The following CCDC91 variants were observed in gnomAD, a reference collection of about 807,000 sequenced individuals.
CCDC91 encodes coiled-coil domain-containing protein 91.
Under a neutral mutation model 63.2 loss-of-function variants are expected in CCDC91, and 48 were observed. The observed-to-expected ratio is 0.76, with a 90% CI of 0.60 to 0.97. The LOEUF is 0.97. CCDC91 is among the 50% of genes least tolerant of loss of function. CCDC91 has a pLI of 0.00. For synonymous variants in CCDC91, 167 were observed against 165.8 expected, an observed-to-expected ratio of 1.01 and a Z score of -0.06; for missense variants, 500 against 494.6, an observed-to-expected ratio of 1.01 and a Z score of -0.10.
intron 8 of CCDC91, among the ~76,000 whole-genome samples, chr12:28,427,983 T>C (rs1277558129): frequency 6.6e-6 from 1 of 152,200 alleles, no homozygotes; most frequent in East Asian, 1.9e-4. Context: ...GATGAGGATG[T>C]CTAGTACTCT....
chr12:28,392,347 A>G (rs560794271), intron 8 of CCDC91, among the ~76,000 whole-genome samples: 8 of 152,104 alleles, frequency 5.3e-5, no homozygotes, highest in Non-Finnish European at 1.0e-4. Context: ...AAAAGTTTAT[A>G]TTTTACTCAT....
At chr12:28,247,271 G>T (rs1395310375) in intron 1 of CCDC91, among the ~76,000 whole-genome samples, 2 of 152,110 alleles carry the variant, frequency 1.3e-5, no homozygotes, top group Non-Finnish European at 2.9e-5. Flanking sequence ...ATGAGGTCAG[G>T]AGATTGAGAC....
intron 3 of CCDC91, among the ~76,000 whole-genome samples, chr12:28,280,718 C>T (rs1033300887): frequency 2.0e-5 from 3 of 151,422 alleles, no homozygotes; most frequent in African/African-American, 7.3e-5. Context: ...GTGGCTCATA[C>T]TTGTAATCTC....
intron 12 of CCDC91, among the ~76,000 whole-genome samples, chr12:28,522,903 G>A (rs1174762313): frequency 3.9e-5 from 6 of 151,980 alleles, no homozygotes; most frequent in South Asian, 2.1e-4. Context: ...TTTCTTAATC[G>A]TGAGTTCTAG....
At chr12:28,240,602 A>G (rs1945266016) in intron 1 of CCDC91, among the ~76,000 whole-genome samples, 1 of 152,164 alleles carries the variant, frequency 6.6e-6, no homozygotes, top group South Asian at 2.1e-4. Flanking sequence ...TTTTTTATAT[A>G]AATGGAATCG....
Position 28,522,755 on chromosome 12 carries a change from G to A in CCDC91, c.1216-26308G>A, listed in dbSNP as rs554932562. On this transcript the variant is annotated intron_variant, in intron 12 of 12. Coordinates refer to ENST00000536442, the MANE Select transcript of CCDC91 (RefSeq NM_018318.5). ...TACACACTGCTTTCAATGTGTCCCAGAAATTCTGGTATGTTGTGTCTTTGT... is the reference window on the plus strand; with the variant it reads ...TACACACTGCTTTCAATGTGTCCCAAAAATTCTGGTATGTTGTGTCTTTGT... 2.0e-5 allele frequency among the ~76,000 whole-genome samples: 3 copies of A among 152,264 alleles called. No individual in the cohort carries two copies. The South Asian group carries it at 6.2e-4, about 32-fold the overall frequency.
At chr12:28,433,244 T>C (rs2140110385) in intron 8 of CCDC91, among the ~76,000 whole-genome samples, 1 of 152,112 alleles carries the variant, frequency 6.6e-6, no homozygotes, top group Non-Finnish European at 1.5e-5. Flanking sequence ...CCCATTTTTG[T>C]GTGTGTGTGC....
intron 3 of CCDC91, among the ~76,000 whole-genome samples, chr12:28,293,072 T>G (rs1949346389): frequency 6.6e-6 from 1 of 152,186 alleles, no homozygotes; most frequent in Non-Finnish European, 1.5e-5. Context: ...AAAGAAGATT[T>G]TAATTTCAAA....
At chr12:28,491,593 T>C (rs1357401503) in intron 12 of CCDC91, among the ~76,000 whole-genome samples, 4 of 151,712 alleles carry the variant, frequency 2.6e-5, no homozygotes, top group Non-Finnish European at 5.9e-5. Context: ...AAATGAAAAC[T>C]AAAATGTGGA....
Position 28,470,542 on chromosome 12 carries a change from CA to C in CCDC91, c.1102-13505del, listed in dbSNP as rs1211011517. Reference sequence around the variant, plus strand: ...AAGGGTTTGGAGGTTCCTCAAAAATCAAAAATAGAACTACCATAGGATCCAG... The same window carrying C: ...AAGGGTTTGGAGGTTCCTCAAAAATCAAAATAGAACTACCATAGGATCCAG... On this transcript the variant is annotated intron_variant, in intron 11 of 12. Transcript: ENST00000536442. Among the ~76,000 whole-genome samples, 4 of 152,074 alleles carry C rather than the reference CA, an allele frequency of 2.6e-5. No homozygotes were observed. The East Asian group carries it at 7.7e-4, about 29-fold the overall frequency.
intron 3 of CCDC91, among the ~76,000 whole-genome samples, chr12:28,273,745 T>C (rs1339238342): frequency 6.6e-6 from 1 of 152,190 alleles, no homozygotes; most frequent in East Asian, 1.9e-4. Context: ...TATTAGCCCT[T>C]TGTCAGACGA....
At chr12:28,389,037 A>C (rs1294327794) in intron 7 of CCDC91, among the ~76,000 whole-genome samples, 2 of 152,200 alleles carry the variant, frequency 1.3e-5, no homozygotes, top group East Asian at 3.8e-4. Flanking sequence ...TTTGCATGGC[A>C]AAAGGAACAG....
chr12:28,491,886 T>A (rs1952026786), intron 12 of CCDC91, among the ~76,000 whole-genome samples: 1 of 150,568 alleles, frequency 6.6e-6, no homozygotes, highest in Non-Finnish European at 1.5e-5. Context: ...TGTGTGTGTG[T>A]GTGTGTGTGT....
chr12:28,315,261 G>A (rs1223028827), intron 6 of CCDC91, among the ~76,000 whole-genome samples: 1 of 151,790 alleles, frequency 6.6e-6, no homozygotes, highest in African/African-American at 2.4e-5. Context: ...ACCTCCCTGG[G>A]TTCAAGCGAT....
chr12:28,285,544 T>G (rs568760499), intron 3 of CCDC91, among the ~76,000 whole-genome samples: 21 of 152,002 alleles, frequency 1.4e-4, no homozygotes, highest in South Asian at 1.0e-3. Flanking sequence ...ATAAAGAGAA[T>G]TAAATAAATC....
intron 8 of CCDC91, among the ~76,000 whole-genome samples, chr12:28,408,941 C>A (rs761213025): frequency 2.0e-5 from 3 of 152,126 alleles, no homozygotes; most frequent in Non-Finnish European, 2.9e-5. Context: ...CCATGCCTGA[C>A]TTTAATCTTA....
intron 1 of CCDC91, among the ~76,000 whole-genome samples, chr12:28,200,228 CTTCTAGTGAATTTTTTTTTTTTTT>C (rs1251761417): frequency 6.9e-6 from 1 of 144,482 alleles, no homozygotes; most frequent in Non-Finnish European, 1.5e-5. Context: ...CAGTTGAACT[CTTCTAGTGAATTTTTTTTTTTTTT>C]TGAGTGGTAG....
intron 1 of CCDC91, among the ~76,000 whole-genome samples, chr12:28,248,201 C>T (rs1369663927): frequency 6.6e-6 from 1 of 152,120 alleles, no homozygotes; most frequent in East Asian, 1.9e-4. Flanking sequence ...AATCACTGGT[C>T]TAAAGACCCC....
At chr12:28,276,646 C>T (rs1948246645) in intron 3 of CCDC91, among the ~76,000 whole-genome samples, 1 of 151,866 alleles carries the variant, frequency 6.6e-6, no homozygotes. Context: ...ACCAGCCTTT[C>T]AAGGTCTTGG....
Sources: gnomAD v4.1 joint callset for allele counts (sites outside exome capture counted in the v4.1 genomes callset) on GRCh38, gnomAD v4.1.1 for gene constraint, MANE v1.5 for transcripts, NCBI Gene and HGNC (gene_info 2026-07-23, HGNC 2026-07-21) for gene names.